Variants in VTI1A observed in about 807,000 individuals in gnomAD.
VTI1A encodes the protein vesicle transport through interaction with t-SNAREs homolog 1A.
A neutral mutation model predicts 34.9 loss-of-function variants in VTI1A; 22 were observed. The ratio of observed to expected loss-of-function variants is 0.63; its 90% CI spans 0.45 to 0.90. The LOEUF (loss-of-function observed/expected upper bound fraction) is 0.90. VTI1A is among the 40% of genes least tolerant of loss of function. VTI1A has a pLI of 0.00. For synonymous variants in VTI1A, 87 were observed against 97.3 expected (o/e 0.89, Z 0.62); for missense variants, 268 against 275.6 (o/e 0.97, Z 0.20).
Position 112,671,189 on chromosome 10 carries a change from C to T in VTI1A, c.560+2191C>T, listed in dbSNP as rs531760282. Among the ~76,000 whole-genome samples the T allele has an allele frequency of 2.0e-5, 3 of 152,310 alleles. No homozygotes were observed. The South Asian group carries it at 6.2e-4, about 32-fold the overall frequency. ...TTATTGAATGCTCTGATTTTGCTTT[C>T]CCTGTTACAACCCTCCCATTCATAT... is the stretch of plus-strand genomic sequence containing the variant. On this transcript the variant is annotated intron_variant, in intron 7 of 7. Transcript: ENST00000393077.
At chr10:112,619,717 T>G (rs1845654904) in intron 5 of VTI1A, among the ~76,000 whole-genome samples, 1 of 152,132 alleles carries the variant, frequency 6.6e-6, no homozygotes, top group South Asian at 2.1e-4. Context: ...TAGATGAGAC[T>G]TTAATTAACT....
chr10:112,727,110 G>A (rs779165381), intron 7 of VTI1A, among the ~76,000 whole-genome samples: 1 of 152,184 alleles, frequency 6.6e-6, no homozygotes, highest in Admixed American at 6.5e-5. Context: ...TGAGTTGCAC[G>A]CAGTGGGAGC....
intron 5 of VTI1A, among the ~76,000 whole-genome samples, chr10:112,590,377 T>C (rs1228116940): frequency 3.3e-5 from 5 of 152,150 alleles, no homozygotes; most frequent in Admixed American, 3.3e-4. Flanking sequence ...TGTTTGTGTA[T>C]GTGGGAAAGA....
chr10:112,804,980 C>T (rs976555422), intron 7 of VTI1A, among the ~76,000 whole-genome samples: 2 of 150,208 alleles, frequency 1.3e-5, no homozygotes, highest in African/African-American at 4.9e-5. Flanking sequence ...CCCGTCTCAG[C>T]CTCCAGAGTA....
chr10:112,754,361 T>A (rs1004448184), intron 7 of VTI1A, among the ~76,000 whole-genome samples: 13 of 152,184 alleles, frequency 8.5e-5, no homozygotes, highest in African/African-American at 3.1e-4. Context: ...CTGCCCAGCC[T>A]GCTGTCTGTC....
intron 3 of VTI1A, among the ~76,000 whole-genome samples, chr10:112,488,718 A>C (rs956866517): frequency 3.3e-5 from 5 of 152,048 alleles, no homozygotes; most frequent in African/African-American, 1.2e-4. Context: ...TTTTGGTTCA[A>C]TATTTGTGGA....
intron 5 of VTI1A, among the ~76,000 whole-genome samples, chr10:112,576,299 C>T (rs1843709826): frequency 6.6e-6 from 1 of 150,958 alleles, no homozygotes; most frequent in South Asian, 2.1e-4. Context: ...GGATTACAGG[C>T]GTGAGCCACC....
At chr10:112,833,708 A>ATCATGTCTG in the VTI1A span, among the ~76,000 whole-genome samples, 4 of 152,138 alleles carry the variant, frequency 2.6e-5, no homozygotes, top group African/African-American at 9.7e-5. Flanking sequence ...GAGGGCAGGA[A>ATCATGTCTG]TCATGTCTGG....
chr10:112,643,164 C>CTTTT (rs71035393), intron 5 of VTI1A, among the ~76,000 whole-genome samples: 1 of 126,502 alleles, frequency 7.9e-6, no homozygotes, highest in Non-Finnish European at 1.6e-5. Context: ...TTTTTTTTTT[C>CTTTT]TTTTTTTTTT....
intron 5 of VTI1A, among the ~76,000 whole-genome samples, chr10:112,581,723 C>G (rs1337936093): frequency 6.6e-6 from 1 of 152,170 alleles, no homozygotes; most frequent in Non-Finnish European, 1.5e-5. Context: ...ATAGCACTTC[C>G]TGATGCGTCT....
intron 7 of VTI1A, among the ~76,000 whole-genome samples, chr10:112,741,468 G>A (rs1018372802): frequency 1.3e-5 from 2 of 152,134 alleles, no homozygotes; most frequent in East Asian, 1.9e-4. Context: ...GACTGTTAAC[G>A]GATATTGGGG....
chr10:112,716,485 G>T (rs547257350), intron 7 of VTI1A, among the ~76,000 whole-genome samples: 68 of 152,234 alleles, frequency 4.5e-4, no homozygotes, highest in African/African-American at 1.6e-3. Context: ...TGTACACAAG[G>T]AGTTCTTAGC....
intron 3 of VTI1A, among the ~76,000 whole-genome samples, chr10:112,481,027 A>G (rs1039020136): frequency 6.6e-6 from 1 of 152,180 alleles, no homozygotes; most frequent in African/African-American, 2.4e-5. Context: ...CTCATTTAGG[A>G]TTAGACGCTA....
At chr10:112,819,235 G>A (rs2479124), downstream of VTI1A, among the ~76,000 whole-genome samples, 74,690 of 152,006 alleles carry the variant, frequency 0.49, 18,664 homozygotes, top group East Asian at 0.71. Flanking sequence ...AATTAACTAG[G>A]AGTGATGATT....
chr10:112,491,110 T>G (rs963151927), intron 3 of VTI1A, among the ~76,000 whole-genome samples: 2 of 152,150 alleles, frequency 1.3e-5, no homozygotes, highest in African/African-American at 2.4e-5. Context: ...GAACATTCGA[T>G]GTATGGCACC....
At chr10:112,465,701 T>A (rs149740837) in intron 3 of VTI1A, among the ~76,000 whole-genome samples, 2 of 152,196 alleles carry the variant, frequency 1.3e-5, no homozygotes, top group Admixed American at 1.3e-4. Flanking sequence ...TACCGGGGAC[T>A]TGAGGGGAGG....
the VTI1A span, among the ~76,000 whole-genome samples, chr10:112,828,672 TGG>T: frequency 2.0e-5 from 3 of 152,120 alleles, no homozygotes; most frequent in East Asian, 3.9e-4. Flanking sequence ...CCCAGAGTTC[TGG>T]GATTACAGGC....
In VTI1A at chr10:112,662,729, A is replaced by G. The variant is rs142082938; in HGVS notation, c.428-5489A>G. Among the ~76,000 whole-genome samples, 112 of 152,264 alleles carry G rather than the reference A, an allele frequency of 7.4e-4. 1 individual carries two copies. The East Asian group carries it at 0.019, about 26-fold the overall frequency. On this transcript the variant is annotated intron_variant, in intron 5 of 7. Transcript: ENST00000393077. ...TTTTATAGTATTCCACACACTGTATAAAAAAGAACAAGGGAATCTGAAATA... is the reference window on the plus strand; with the variant it reads ...TTTTATAGTATTCCACACACTGTATGAAAAAGAACAAGGGAATCTGAAATA...
At chr10:112,508,450 G>T (rs188123882) in intron 3 of VTI1A, among the ~76,000 whole-genome samples, 44 of 152,228 alleles carry the variant, frequency 2.9e-4, no homozygotes, top group Non-Finnish European at 5.1e-4. Context: ...AGAATTCAGG[G>T]TATATTTGTT....
Sources: allele counts gnomAD v4.1 joint callset (sites outside exome capture counted in the v4.1 genomes callset), GRCh38; gene constraint gnomAD v4.1.1; transcripts MANE v1.5; gene names NCBI Gene and HGNC (gene_info 2026-07-23, HGNC 2026-07-21).